The following NEURL1 variants were observed in gnomAD, a reference collection of about 807,000 sequenced individuals.
NEURL1 encodes the protein E3 ubiquitin-protein ligase NEURL1.
A neutral mutation model predicts 41.2 loss-of-function variants in NEURL1; 26 were observed. The ratio of observed to expected loss-of-function variants is 0.63; its 90% CI spans 0.46 to 0.87. The LOEUF is 0.87. Among genes scored for constraint, NEURL1 ranks in the 40% least tolerant of loss-of-function variants. NEURL1 has a pLI of 0.00. For synonymous variants in NEURL1, 400 were observed against 402.3 expected (o/e 0.99, Z 0.07); for missense variants, 761 against 871.1 (o/e 0.87, Z 1.59).
Position 103,567,241 on chromosome 10 carries a change from C to T in NEURL1, c.86-3631C>T, listed in dbSNP as rs188849397. Reference sequence around the variant, plus strand: ...TCAAGTGATCCGCCTGCCTCAGCCTCCCAAAGTGCTGAGATTACAGGTGTG... The same window carrying T: ...TCAAGTGATCCGCCTGCCTCAGCCTTCCAAAGTGCTGAGATTACAGGTGTG... On this transcript the variant is annotated intron_variant, in intron 1 of 5. Coordinates refer to ENST00000369780, the MANE Select transcript of NEURL1 (RefSeq NM_004210.5). Among the ~76,000 whole-genome samples, 34 of 152,288 alleles carry T rather than the reference C, an allele frequency of 2.2e-4. No individual in the cohort carries two copies. In the South Asian group the frequency reaches 3.7e-3, roughly 17 times the overall value.
rs961739941 is a variant in NEURL1, at chr10:103,591,667, A to G, written c.*1295A>G. 2.0e-5 allele frequency: 3 copies of G among 152,226 alleles called. No homozygotes were observed. The highest frequency in any genetic ancestry group is 7.2e-5 in the African/African-American group (3 of 41,434). 9.4% of individuals were successfully genotyped at this position (152,226 alleles called of 1,614,324 possible). A position where few individuals can be genotyped will look rare whatever the true frequency, so the allele number is the denominator to read the frequency against. ...GTCTATTTTACAGAGAGGCAAACCAAGCCTCCTTAGTGCCCTGGGGCTGAT... is the reference window on the plus strand; with the variant it reads ...GTCTATTTTACAGAGAGGCAAACCAGGCCTCCTTAGTGCCCTGGGGCTGAT... On this transcript the variant is annotated 3_prime_UTR_variant, in exon 6 of 6. Coordinates refer to ENST00000369780, the MANE Select transcript of NEURL1 (RefSeq NM_004210.5).
Position 103,508,679 on chromosome 10 carries a change from C to A in NEURL1, c.85+14207C>A, listed in dbSNP as rs547804066. 1.6e-3 allele frequency among the ~76,000 whole-genome samples: 251 copies of A among 152,244 alleles called. No homozygotes were observed. The highest frequency in any genetic ancestry group is 1.9e-3 in the Non-Finnish European group (130 of 68,018). On this transcript the variant is annotated intron_variant, in intron 1 of 5. Coordinates refer to ENST00000369780, the MANE Select transcript of NEURL1 (RefSeq NM_004210.5). This position sits in a 1 kb window ranked among gnomAD's most constrained non-coding sequence, Gnocchi z 4.3. ...TGAGGAGACCAGCCAGACATGCAGA[C>A]CCTGATGTGGGCCCAGGGGTTGGAG...
chr10:103,553,455 A>G (rs950786144), intron 1 of NEURL1, among the ~76,000 whole-genome samples: 2 of 152,084 alleles, frequency 1.3e-5, no homozygotes, highest in East Asian at 3.9e-4. Context: ...GTGCCTGTGG[A>G]AAGTGGGCTG....
At chr10:103,504,554 T>A (rs924438234) in intron 1 of NEURL1, among the ~76,000 whole-genome samples, 2 of 152,222 alleles carry the variant, frequency 1.3e-5, no homozygotes, top group Non-Finnish European at 2.9e-5. Flanking sequence ...ATGTTGACCT[T>A]GAGCGCCTGG....
intron 1 of NEURL1, among the ~76,000 whole-genome samples, chr10:103,553,157 C>T (rs1454583535): frequency 6.6e-6 from 1 of 152,186 alleles, no homozygotes; most frequent in East Asian, 1.9e-4. Flanking sequence ...AAAGCATCTT[C>T]TTTTGGCCTC....
At chr10:103,500,640 C>T (rs2033801644) in intron 1 of NEURL1, among the ~76,000 whole-genome samples, 1 of 152,200 alleles carries the variant, frequency 6.6e-6, no homozygotes, top group African/African-American at 2.4e-5. Flanking sequence ...GAGGGCTGTG[C>T]TAGTCTGGAA....
chr10:103,507,282 C>T (rs754548584), intron 1 of NEURL1, among the ~76,000 whole-genome samples: 15 of 152,226 alleles, frequency 9.9e-5, no homozygotes, highest in African/African-American at 1.7e-4. Context: ...TAGAGTGTGA[C>T]GCCTGAGGGG....
rs565893856 is a variant in NEURL1, at chr10:103,518,876, CG to C, written c.85+24407del. 1.2e-3 allele frequency among the ~76,000 whole-genome samples: 181 copies of C among 152,276 alleles called. 1 individual carries two copies. The highest frequency in any genetic ancestry group is 3.3e-3 in the Admixed American group (50 of 15,296). ...GCTGGGGTTGAGTAGTGTTGGGGAA[CG>C]GGATGCTTTTACTCCACACAAATCA... On this transcript the variant is annotated intron_variant, in intron 1 of 5. Coordinates refer to ENST00000369780, the MANE Select transcript of NEURL1 (RefSeq NM_004210.5).
chr10:103,502,279 C>T (rs1027732761), intron 1 of NEURL1, among the ~76,000 whole-genome samples: 2 of 152,088 alleles, frequency 1.3e-5, no homozygotes, highest in Non-Finnish European at 2.9e-5. Flanking sequence ...CTTGTTCTGC[C>T]ATAACAAAAT....
chr10:103,588,703 T>G (rs992828961), intron 4 of NEURL1: 27 of 429,558 alleles, frequency 6.3e-5, no homozygotes, highest in Non-Finnish European at 1.0e-4. Context: ...TCCCAGCACT[T>G]TGGGAGCCGA....
rs182036392 is a variant in NEURL1, at chr10:103,584,078, G to T, written c.650-458G>T. 2.1e-3 allele frequency among the ~76,000 whole-genome samples: 326 copies of T among 152,240 alleles called. 2 individuals are homozygous for T. Among genetic ancestry groups the T allele is most frequent in the Admixed American group, 0.018 (275 of 15,286 alleles). On this transcript the variant is annotated intron_variant, in intron 3 of 5. Coordinates refer to ENST00000369780, the MANE Select transcript of NEURL1 (RefSeq NM_004210.5). ...GAGGGTGTCTGTGTGTTTGCTGGGG[G>T]GTGGTTGCTCCCTGGCTTTCCAGGA...
At chr10:103,521,959 G>A (rs1033404912) in intron 1 of NEURL1, among the ~76,000 whole-genome samples, 1 of 151,976 alleles carries the variant, frequency 6.6e-6, no homozygotes, top group East Asian at 1.9e-4. Context: ...GGTTGGGGCC[G>A]TTTTATAGGA....
intron 1 of NEURL1, among the ~76,000 whole-genome samples, chr10:103,529,202 G>T (rs2034521766): frequency 6.6e-6 from 1 of 152,172 alleles, no homozygotes. Context: ...TTGATTGTTT[G>T]TAGAAGTGCA....
intron 1 of NEURL1, among the ~76,000 whole-genome samples, chr10:103,499,147 C>G (rs1399250568): frequency 3.3e-5 from 5 of 152,206 alleles, no homozygotes; most frequent in Non-Finnish European, 1.5e-5. Flanking sequence ...GGCCGTCCCC[C>G]TCCAGCTCTG....
intron 1 of NEURL1, chr10:103,511,924 T>C (rs1411804672): frequency 3.3e-5 from 5 of 152,262 alleles, no homozygotes; most frequent in African/African-American, 1.2e-4. Context: ...TTTTCTTCTA[T>C]GGGCTCTTCA....
chr10:103,548,388 T>A (rs1162203202), intron 1 of NEURL1, among the ~76,000 whole-genome samples: 1 of 152,160 alleles, frequency 6.6e-6, no homozygotes. Flanking sequence ...AATGGCACAA[T>A]CTCGGCTCAC....
chr10:103,532,586 TC>T (rs1374590669), intron 1 of NEURL1, among the ~76,000 whole-genome samples: 2 of 152,206 alleles, frequency 1.3e-5, no homozygotes, highest in East Asian at 3.8e-4. Context: ...GACTGTATCA[TC>T]CCATTCTCTA....
chr10:103,586,358 A>G (rs1190279940), intron 4 of NEURL1, among the ~76,000 whole-genome samples: 1 of 151,982 alleles, frequency 6.6e-6, no homozygotes, highest in Non-Finnish European at 1.5e-5. Context: ...GTTTCGTTAG[A>G]TTTACCTGGA....
intron 1 of NEURL1, among the ~76,000 whole-genome samples, chr10:103,523,618 T>G (rs963325356): frequency 6.6e-6 from 1 of 152,188 alleles, no homozygotes; most frequent in Non-Finnish European, 1.5e-5. Flanking sequence ...TCCTTTTCCC[T>G]GCCTCTGGTT....
Sources: allele counts gnomAD v4.1 joint callset (sites outside exome capture counted in the v4.1 genomes callset), GRCh38; gene constraint gnomAD v4.1.1; non-coding constraint Gnocchi (gnomAD v3.1); transcripts MANE v1.5; gene names NCBI Gene and HGNC (gene_info 2026-07-23, HGNC 2026-07-21).